Variants in CAMKMT observed in about 807,000 individuals in gnomAD.
CAMKMT encodes CaM KMT.
Under a neutral mutation model 48.0 loss-of-function variants are expected in CAMKMT, and 53 were observed. That is an observed-to-expected ratio of 1.10 (90% CI 0.89 to 1.39). CAMKMT has a LOEUF of 1.39. Ranked by LOEUF, CAMKMT falls within the 40% of genes most tolerant of loss-of-function variation. The pLI is 0.00. For missense variants in CAMKMT, 428 were observed against 402.7 expected (o/e 1.06, Z -0.54); for synonymous variants, 165 against 152.3 (o/e 1.08, Z -0.61).
chr2:44,771,667 G>T (rs1573267110), intron 10 of CAMKMT, among the ~76,000 whole-genome samples: 1 of 152,202 alleles, frequency 6.6e-6, no homozygotes, highest in African/African-American at 2.4e-5. Flanking sequence ...CCTGAATAGT[G>T]TGGCATTGGT....
chr2:44,744,905 G>A (rs1005868701), intron 8 of CAMKMT, among the ~76,000 whole-genome samples: 14 of 151,920 alleles, frequency 9.2e-5, no homozygotes, highest in African/African-American at 1.5e-4. Flanking sequence ...AGAAAATCTT[G>A]TTCCAAAAAT....
At chr2:44,570,970 G>A (rs72881177) in intron 3 of CAMKMT, among the ~76,000 whole-genome samples, 10,114 of 152,064 alleles carry the variant, frequency 0.067, 1,058 homozygotes, top group African/African-American at 0.23. Flanking sequence ...AAAACACCAC[G>A]AAAAGTAAAA....
chr2:44,563,399 C>G lies in CAMKMT; in HGVS notation c.377-140884C>G, dbSNP rs539028430. On this transcript the variant is annotated intron_variant, in intron 3 of 10. Transcript: ENST00000378494. ...TTGTTTTGCCTTATGTAGATATTACCATTTGTGCTCCTGACACAGTAAAAC... is the reference window on the plus strand; with the variant it reads ...TTGTTTTGCCTTATGTAGATATTACGATTTGTGCTCCTGACACAGTAAAAC... 3.0e-4 allele frequency among the ~76,000 whole-genome samples: 45 copies of G among 151,658 alleles called. 1 individual carries two copies. In the East Asian group the frequency reaches 7.9e-3, roughly 27 times the overall value.
At chr2:44,759,065 G>A (rs1680502849) in intron 9 of CAMKMT, among the ~76,000 whole-genome samples, 1 of 152,190 alleles carries the variant, frequency 6.6e-6, no homozygotes, top group African/African-American at 2.4e-5. Context: ...CAGATTCCCA[G>A]AGTCCTGCCT....
At chr2:44,448,798 A>G (rs917477640) in intron 3 of CAMKMT, among the ~76,000 whole-genome samples, 2 of 152,214 alleles carry the variant, frequency 1.3e-5, no homozygotes, top group Non-Finnish European at 2.9e-5. Context: ...TATTTATTCA[A>G]TGGAATATTT....
chr2:44,701,868 G>C (rs1677276107), intron 3 of CAMKMT, among the ~76,000 whole-genome samples: 1 of 152,068 alleles, frequency 6.6e-6, no homozygotes, highest in African/African-American at 2.4e-5. Context: ...TTCATGAAAA[G>C]ATCCCATTGG....
At chr2:44,536,780 T>A (rs1572741211) in intron 3 of CAMKMT, among the ~76,000 whole-genome samples, 1 of 152,176 alleles carries the variant, frequency 6.6e-6, no homozygotes, top group Non-Finnish European at 1.5e-5. Context: ...AAGGATATAG[T>A]AACCCAAACA....
At chr2:44,383,607 A>G (rs1680480758) in intron 2 of CAMKMT, among the ~76,000 whole-genome samples, 1 of 152,080 alleles carries the variant, frequency 6.6e-6, no homozygotes, top group South Asian at 2.1e-4. Context: ...ACAGTGTACC[A>G]TATTTGTTTA....
intron 3 of CAMKMT, among the ~76,000 whole-genome samples, chr2:44,438,740 C>A (rs1396874157): frequency 6.6e-6 from 1 of 152,046 alleles, no homozygotes; most frequent in Non-Finnish European, 1.5e-5. Context: ...CTCTGCAGTG[C>A]AGGTTGGAGT....
At chr2:44,402,310 C>A (rs527472269) in intron 3 of CAMKMT, among the ~76,000 whole-genome samples, 61,973 of 133,878 alleles carry the variant, frequency 0.46, 16,253 homozygotes, top group Middle Eastern at 0.63. Context: ...GCTTGGGTGA[C>A]ACAGCAAGAC....
intron 3 of CAMKMT, among the ~76,000 whole-genome samples, chr2:44,693,434 A>C (rs1258996033): frequency 2.0e-5 from 3 of 152,040 alleles, no homozygotes; most frequent in Non-Finnish European, 4.4e-5. Flanking sequence ...TTCCTACAAC[A>C]TTAAGCCCTC....
intron 3 of CAMKMT, among the ~76,000 whole-genome samples, chr2:44,590,302 C>T (rs906676362): frequency 2.6e-5 from 4 of 152,118 alleles, no homozygotes; most frequent in Non-Finnish European, 5.9e-5. Context: ...TCTTCCTTTT[C>T]AGTTTTCTCA....
chr2:44,509,833 C>T (rs1209466152), intron 3 of CAMKMT, among the ~76,000 whole-genome samples: 1 of 152,150 alleles, frequency 6.6e-6, no homozygotes. Flanking sequence ...TCCTTTTTGA[C>T]TTCTGTGCTA....
chr2:44,602,112 C>A (rs911907983), intron 3 of CAMKMT, among the ~76,000 whole-genome samples: 1 of 151,894 alleles, frequency 6.6e-6, no homozygotes, highest in Non-Finnish European at 1.5e-5. Context: ...CTCAAGCGAT[C>A]CTCCCACCTC....
At chr2:44,364,071 A>G (rs1005771767) in intron 1 of CAMKMT, among the ~76,000 whole-genome samples, 1 of 134,022 alleles carries the variant, frequency 7.5e-6, no homozygotes, top group African/African-American at 2.9e-5. Flanking sequence ...CAGGCAGGTA[A>G]CTCCTGGGCT....
At chr2:44,450,224 G>A (rs959205882) in intron 3 of CAMKMT, among the ~76,000 whole-genome samples, 5 of 152,102 alleles carry the variant, frequency 3.3e-5, no homozygotes, top group Middle Eastern at 3.2e-3. Context: ...CTTACACTGC[G>A]TCTCACTGAT....
At chr2:44,395,368 C>G (rs886909786) in intron 3 of CAMKMT, among the ~76,000 whole-genome samples, 7 of 151,918 alleles carry the variant, frequency 4.6e-5, no homozygotes, top group Admixed American at 4.6e-4. Context: ...TGTACATATG[C>G]AGATATATAA....
At chr2:44,659,074 A>ATTT (rs1674530320) in intron 3 of CAMKMT, among the ~76,000 whole-genome samples, 1 of 106,244 alleles carries the variant, frequency 9.4e-6, no homozygotes, top group African/African-American at 4.3e-5. Flanking sequence ...GTGTGTGTGT[A>ATTT]GTTTTTTTTT....
chr2:44,470,672 C>A (rs1668365959), intron 3 of CAMKMT, among the ~76,000 whole-genome samples: 1 of 152,154 alleles, frequency 6.6e-6, no homozygotes, highest in Non-Finnish European at 1.5e-5. Flanking sequence ...GATATCCAGA[C>A]AAAGTCATTG....
Sources: allele counts gnomAD v4.1 joint callset (sites outside exome capture counted in the v4.1 genomes callset), GRCh38; gene constraint gnomAD v4.1.1; transcripts MANE v1.5; gene names NCBI Gene and HGNC (gene_info 2026-07-23, HGNC 2026-07-21).